Variants in PLCH1 observed in about 807,000 individuals in gnomAD.
PLCH1 encodes the protein phospholipase C eta 1, also known as 1-phosphatidylinositol 4,5-bisphosphate phosphodiesterase eta-1.
In PLCH1, 60 loss-of-function variants were observed where a neutral mutation model predicts 126.7. The observed-to-expected ratio is 0.47, with a 90% CI of 0.38 to 0.59. The LOEUF is 0.59. Ranked by LOEUF, PLCH1 falls within the 20% of genes least tolerant of loss-of-function variation. The pLI is 0.00. For synonymous variants in PLCH1, 719 were observed against 734.9 expected (o/e 0.98, Z 0.35); for missense variants, 1,723 against 2,040.0 (o/e 0.84, Z 2.99).
At chr3:155,659,061 TCAC>T (rs1741779451) in intron 2 of PLCH1, among the ~76,000 whole-genome samples, 1 of 152,162 alleles carries the variant, frequency 6.6e-6, no homozygotes, top group Admixed American at 6.5e-5. Context: ...TGCCACATCA[TCAC>T]TGTTTGGAGA....
chr3:155,642,673 T>C (rs1033471186), intron 2 of PLCH1, among the ~76,000 whole-genome samples: 1 of 152,214 alleles, frequency 6.6e-6, no homozygotes, highest in Non-Finnish European at 1.5e-5. Flanking sequence ...AGAGCTGACT[T>C]TGCCAACAAA....
Position 155,714,065 on chromosome 3 carries a change from C to T in PLCH1, c.-40-9801G>A, listed in dbSNP as rs141805913. Among the ~76,000 whole-genome samples, 7 of 152,198 alleles carry T rather than the reference C, an allele frequency of 4.6e-5. No individual in the cohort carries two copies. In the East Asian group the frequency reaches 9.7e-4, roughly 21 times the overall value. Reference sequence around the variant, plus strand: ...ACAGTAATATTCATAAAACAACAAGCACTTAGGAACAGGAAGGCATAGAAA... The same window carrying T: ...ACAGTAATATTCATAAAACAACAAGTACTTAGGAACAGGAAGGCATAGAAA... On this transcript the variant is annotated intron_variant, in intron 1 of 22. Coordinates refer to ENST00000460012, the MANE Select transcript of PLCH1 (RefSeq NM_014996.4).
intron 21 of PLCH1, among the ~76,000 whole-genome samples, chr3:155,465,673 G>T (rs1378576479): frequency 6.6e-6 from 1 of 151,908 alleles, no homozygotes; most frequent in African/African-American, 2.4e-5. Context: ...CACCAAGCAG[G>T]TTCTTGGGGT....
intron 10 of PLCH1, among the ~76,000 whole-genome samples, chr3:155,544,403 T>C (rs1474467614): frequency 6.6e-6 from 1 of 152,168 alleles, no homozygotes; most frequent in Non-Finnish European, 1.5e-5. Flanking sequence ...CTGAGTGACC[T>C]ACAAAGAGAC....
intron 17 of PLCH1, 31 bp downstream of exon 17, chr3:155,494,110 C>G: frequency 6.6e-7 from 1 of 1,509,654 alleles, no homozygotes; most frequent in South Asian, 1.1e-5. Context: ...TAACACACAC[C>G]TGCATTTATG....
intron 2 of PLCH1, among the ~76,000 whole-genome samples, chr3:155,648,431 C>T (rs1740304235): frequency 6.6e-6 from 1 of 152,138 alleles, no homozygotes; most frequent in Non-Finnish European, 1.5e-5. Context: ...GTCTTGACGT[C>T]CTCCCTGGAA....
chr3:155,535,307 A>G (rs1723202262), intron 10 of PLCH1, among the ~76,000 whole-genome samples: 1 of 152,210 alleles, frequency 6.6e-6, no homozygotes, highest in African/African-American at 2.4e-5. Context: ...CAGGAAGTGC[A>G]GATAGGAGCA....
intron 4 of PLCH1, 137 bp downstream of exon 4, chr3:155,593,804 G>A (rs75934266): frequency 0.097 from 73,630 of 759,840 alleles, 4,397 homozygotes; most frequent in Non-Finnish European, 0.12. Flanking sequence ...GAGGGGAGAA[G>A]ACGGTGTGAG....
chr3:155,741,996 A>G (rs777841007), intron 1 of PLCH1: 3 of 152,170 alleles, frequency 2.0e-5, no homozygotes, highest in Non-Finnish European at 4.4e-5. Flanking sequence ...TATCTAAATT[A>G]CTCAGTTTCA....
intron 2 of PLCH1, among the ~76,000 whole-genome samples, chr3:155,673,319 A>G (rs558015472): frequency 1.5e-4 from 23 of 152,138 alleles, no homozygotes; most frequent in African/African-American, 5.5e-4. Flanking sequence ...TTTGTGCACT[A>G]TACCAGAAGT....
intron 12 of PLCH1, among the ~76,000 whole-genome samples, chr3:155,512,447 G>T (rs1402204191): frequency 6.6e-6 from 1 of 152,180 alleles, no homozygotes. Flanking sequence ...AATGGGGAAA[G>T]CTTAGGGCAC....
At chr3:155,610,826 A>C (rs902952237) in intron 2 of PLCH1, among the ~76,000 whole-genome samples, 25 of 152,192 alleles carry the variant, frequency 1.6e-4, no homozygotes, top group African/African-American at 6.0e-4. Context: ...CAAGGAATTC[A>C]GAAAACTAGC....
chr3:155,559,189 C>G (rs1276352078), intron 8 of PLCH1, among the ~76,000 whole-genome samples: 1 of 151,980 alleles, frequency 6.6e-6, no homozygotes, highest in Non-Finnish European at 1.5e-5. Flanking sequence ...AGTTCAAATC[C>G]CAGCTTCCAA....
chr3:155,493,024 G>T (rs1716486897), intron 17 of PLCH1, among the ~76,000 whole-genome samples, 171 bp from the exon 18 acceptor site: 1 of 152,234 alleles, frequency 6.6e-6, no homozygotes, highest in South Asian at 2.1e-4. Context: ...GTTGCCAAAG[G>T]CCAGTGGAGT....
intron 9 of PLCH1, among the ~76,000 whole-genome samples, chr3:155,553,084 A>G (rs1272798792): frequency 1.3e-5 from 2 of 152,152 alleles, no homozygotes; most frequent in East Asian, 1.9e-4. Flanking sequence ...CCTATGGGAT[A>G]CTCAGATGAA....
chr3:155,472,894 ACT>A (rs1713337347), intron 21 of PLCH1, among the ~76,000 whole-genome samples: 2 of 151,386 alleles, frequency 1.3e-5, no homozygotes, highest in South Asian at 4.2e-4. Context: ...CATACTAAAA[ACT>A]CTCAATAAAT....
intron 2 of PLCH1, among the ~76,000 whole-genome samples, chr3:155,610,364 G>GA (rs569174791): frequency 0.088 from 3,478 of 39,368 alleles, 251 homozygotes; most frequent in Non-Finnish European, 0.1. Flanking sequence ...TGCGTCTGGA[G>GA]AAAAAAAAAA....
At chr3:155,584,838 A>G (rs1185131072) in intron 5 of PLCH1, among the ~76,000 whole-genome samples, 1 of 152,112 alleles carries the variant, frequency 6.6e-6, no homozygotes, top group Admixed American at 6.5e-5. Flanking sequence ...ATAGGTACAG[A>G]CTTTGTCCCC....
At chr3:155,461,398 G>A (rs116420463) in intron 21 of PLCH1, among the ~76,000 whole-genome samples, 191 of 152,262 alleles carry the variant, frequency 1.3e-3, no homozygotes, top group African/African-American at 4.5e-3. Context: ...AACTGCAGTT[G>A]GAGCTACCCA....
Sources: allele counts gnomAD v4.1 joint callset (sites outside exome capture counted in the v4.1 genomes callset), GRCh38; gene constraint gnomAD v4.1.1; transcripts MANE v1.5; gene names NCBI Gene and HGNC (gene_info 2026-07-23, HGNC 2026-07-21).